The following TMEFF2 variants were observed in gnomAD, a reference collection of about 807,000 sequenced individuals.
TMEFF2 encodes transmembrane protein with EGF like and two follistatin like domains 2, also known as tomoregulin-2.
Under a neutral mutation model 53.8 loss-of-function variants are expected in TMEFF2, and 28 were observed. The observed-to-expected ratio is 0.52, with a 90% confidence interval of 0.39 to 0.71. The LOEUF (loss-of-function observed/expected upper bound fraction) is 0.71. Ranked by LOEUF, TMEFF2 falls within the 30% of genes least tolerant of loss-of-function variation. TMEFF2 has a pLI of 0.00. For synonymous variants in TMEFF2, 162 were observed against 166.3 expected, an observed-to-expected ratio of 0.97 and a Z score of 0.20; for missense variants, 353 against 455.2, an observed-to-expected ratio of 0.78 and a Z score of 2.04.
At chr2:191,965,034 A>G (rs1225690437) in intron 7 of TMEFF2, among the ~76,000 whole-genome samples, 1 of 152,108 alleles carries the variant, frequency 6.6e-6, no homozygotes, top group East Asian at 1.9e-4. Flanking sequence ...CTCTTGTTGC[A>G]GTTTAAACAT....
chr2:192,148,150 T>TA (rs1212800376), intron 4 of TMEFF2, among the ~76,000 whole-genome samples: 1 of 152,022 alleles, frequency 6.6e-6, no homozygotes, highest in African/African-American at 2.4e-5. Flanking sequence ...CAAGCTCCAC[T>TA]AACCTTTCTG....
At chr2:191,976,902 C>CCTAT (rs988842497) in intron 7 of TMEFF2, among the ~76,000 whole-genome samples, 51 of 152,196 alleles carry the variant, frequency 3.4e-4, no homozygotes, top group African/African-American at 1.2e-3. Flanking sequence ...TTCCTTTTTT[C>CCTAT]CTATCTGTGA....
At chr2:192,147,215 T>G (rs1690273252) in intron 4 of TMEFF2, among the ~76,000 whole-genome samples, 1 of 152,032 alleles carries the variant, frequency 6.6e-6, no homozygotes, top group African/African-American at 2.4e-5. Context: ...AACTGAAGAT[T>G]AAATCACAGT....
chr2:192,172,707 T>C (rs1157964354), intron 4 of TMEFF2, among the ~76,000 whole-genome samples: 2 of 151,910 alleles, frequency 1.3e-5, no homozygotes, highest in African/African-American at 4.8e-5. Context: ...GATAATTACA[T>C]TGAGTAGAAC....
intron 7 of TMEFF2, among the ~76,000 whole-genome samples, chr2:191,970,839 C>T (rs1288541713): frequency 6.6e-6 from 1 of 152,106 alleles, no homozygotes; most frequent in Non-Finnish European, 1.5e-5. Flanking sequence ...GAAAGTCTTC[C>T]TTTATTTATG....
At chr2:192,077,171 T>A (rs148131570) in intron 4 of TMEFF2, among the ~76,000 whole-genome samples, 2 of 152,146 alleles carry the variant, frequency 1.3e-5, no homozygotes, top group Admixed American at 1.3e-4. Context: ...GTTGAGAGTT[T>A]TAGCAAATGC....
intron 5 of TMEFF2, among the ~76,000 whole-genome samples, chr2:192,006,115 G>A (rs1403735918): frequency 2.0e-5 from 3 of 149,406 alleles, no homozygotes; most frequent in Non-Finnish European, 4.4e-5. Flanking sequence ...TGAAATCTAG[G>A]AGGAATGAAT....
intron 7 of TMEFF2, among the ~76,000 whole-genome samples, chr2:191,970,494 A>G (rs1168699255): frequency 6.6e-6 from 1 of 151,992 alleles, no homozygotes; most frequent in East Asian, 1.9e-4. Flanking sequence ...CAGACATTGG[A>G]GATGTGCCAC....
At chr2:192,141,634 C>T (rs895303598) in intron 4 of TMEFF2, among the ~76,000 whole-genome samples, 9 of 151,962 alleles carry the variant, frequency 5.9e-5, no homozygotes, top group African/African-American at 9.7e-5. Context: ...TTGGATAAAA[C>T]ACAATGGTAA....
intron 4 of TMEFF2, among the ~76,000 whole-genome samples, chr2:192,091,008 C>T (rs1362572396): frequency 3.3e-5 from 5 of 152,136 alleles, no homozygotes; most frequent in Admixed American, 1.3e-4. Flanking sequence ...AAATATTACA[C>T]GTGGGAGATG....
At chr2:192,157,930 C>A (rs952358368) in intron 4 of TMEFF2, among the ~76,000 whole-genome samples, 1 of 152,032 alleles carries the variant, frequency 6.6e-6, no homozygotes, top group South Asian at 2.1e-4. Context: ...TCTTCATGTG[C>A]GTTTCCTTTA....
chr2:192,127,922 T>C (rs1199820462), intron 4 of TMEFF2, among the ~76,000 whole-genome samples: 1 of 152,198 alleles, frequency 6.6e-6, no homozygotes, highest in African/African-American at 2.4e-5. Flanking sequence ...TAACTCCTCT[T>C]TGGAAACCCA....
At chr2:192,110,198 G>A (rs1689242165) in intron 4 of TMEFF2, among the ~76,000 whole-genome samples, 1 of 152,108 alleles carries the variant, frequency 6.6e-6, no homozygotes, top group Non-Finnish European at 1.5e-5. Flanking sequence ...GAACTAAGGG[G>A]TCAATGGAGT....
Position 191,996,067 on chromosome 2 carries a change from A to C in TMEFF2, c.745+2195T>G, listed in dbSNP as rs146332746. On this transcript the variant is annotated intron_variant, in intron 7 of 9. Transcript: ENST00000272771. ...AGAACAGTGACACTCAACATTAGAG[A>C]TAATCTGTTTAAAAAACCAAACCCA... Among the ~76,000 whole-genome samples the C allele has an allele frequency of 1.8e-3, 270 of 152,062 alleles. 1 individual carries two copies. Among genetic ancestry groups the C allele is most frequent in the African/African-American group, 6.2e-3 (257 of 41,540 alleles).
chr2:192,184,050 G>A (rs982799101), intron 3 of TMEFF2, among the ~76,000 whole-genome samples: 3 of 152,072 alleles, frequency 2.0e-5, no homozygotes, highest in African/African-American at 7.2e-5. Context: ...TATTTGGCAC[G>A]TTGGCAGTCT....
intron 7 of TMEFF2, among the ~76,000 whole-genome samples, chr2:191,991,697 G>A (rs1478571552): frequency 6.6e-6 from 1 of 152,080 alleles, no homozygotes; most frequent in Non-Finnish European, 1.5e-5. Context: ...ACACTGCAAG[G>A]TGAACGATTT....
chr2:191,953,821 T>A lies in TMEFF2; in HGVS notation c.886A>T (p.Thr296Ser). ...EPSCRCDAGY[T>S]GQHCEKKDYS... is the part of the protein sequence containing the mutation. ...TCCTTTTTTTCACAGTGTTGTCCAG[T>A]ATAACCAGCATCACACCTGGAAGAA... The change falls in exon 9 of 10, where the codon ACT (threonine) becomes TCT (serine). Residue 296 changes from threonine to serine, a missense_variant. Coordinates refer to ENST00000272771, the MANE Select transcript of TMEFF2 (RefSeq NM_016192.4). The A allele has an allele frequency of 6.2e-7, 1 of 1,610,026 alleles. No individual in the cohort carries two copies. The highest frequency in any genetic ancestry group is 1.1e-5 in the South Asian group (1 of 90,628).
rs568239400 is a variant in TMEFF2, at chr2:192,012,556, G to A, written c.537-13348C>T. ...TGTATTAGCTAGGGGCCCCTTCACA[G>A]GAGTTGAAGTTTAAGCTTATGTTTT... On this transcript the variant is annotated intron_variant, in intron 5 of 9. Transcript: ENST00000272771. Among the ~76,000 whole-genome samples the A allele has an allele frequency of 7.2e-5, 11 of 152,258 alleles. 1 individual carries two copies. In the South Asian group the frequency reaches 2.3e-3, roughly 32 times the overall value.
intron 7 of TMEFF2, among the ~76,000 whole-genome samples, chr2:191,961,952 C>A (rs1420499120): frequency 6.6e-6 from 1 of 152,116 alleles, no homozygotes; most frequent in Non-Finnish European, 1.5e-5. Context: ...TTCTGGGACA[C>A]AGACTCAAAT....
Sources: gnomAD v4.1 joint callset for allele counts (sites outside exome capture counted in the v4.1 genomes callset) on GRCh38, gnomAD v4.1.1 for gene constraint, MANE v1.5 for transcripts, NCBI Gene and HGNC (gene_info 2026-07-23, HGNC 2026-07-21) for gene names.